SLIT2: variants seen among roughly 807,000 people sequenced by gnomAD.
The protein encoded by SLIT2 is slit homolog 2 protein.
Under a neutral mutation model 185.7 loss-of-function variants are expected in SLIT2, and 41 were observed. The ratio of observed to expected loss-of-function variants is 0.22; its 90% CI spans 0.17 to 0.29. SLIT2 has a LOEUF of 0.29. Among genes scored for constraint, SLIT2 ranks in the 10% least tolerant of loss-of-function variants. The probability of loss-of-function intolerance (pLI) is 1.00; values close to 1 mark genes in which losing one functional copy is unlikely to be tolerated. For synonymous variants in SLIT2, 693 were observed against 680.2 expected (o/e 1.02, Z -0.29); for missense variants, 1,571 against 1,909.0 (o/e 0.82, Z 3.30).
chr4:20,450,186 A>T (rs1712308612), intron 4 of SLIT2, among the ~76,000 whole-genome samples: 1 of 152,204 alleles, frequency 6.6e-6, no homozygotes, highest in Admixed American at 6.5e-5. Flanking sequence ...TCAGACAATC[A>T]TTAGAGAATC....
chr4:20,412,756 C>A (rs879908957), intron 4 of SLIT2, among the ~76,000 whole-genome samples: 4 of 152,024 alleles, frequency 2.6e-5, no homozygotes, highest in Non-Finnish European at 4.4e-5. Context: ...GTAATCATCA[C>A]CACTATCTAA....
chr4:20,266,692 A>G (rs1713065453), intron 3 of SLIT2, among the ~76,000 whole-genome samples: 1 of 152,076 alleles, frequency 6.6e-6, no homozygotes, highest in Non-Finnish European at 1.5e-5. Flanking sequence ...GGGAATACAA[A>G]GATTTAGTCT....
chr4:20,393,956 G>A (rs1725668734), intron 4 of SLIT2, among the ~76,000 whole-genome samples: 1 of 152,014 alleles, frequency 6.6e-6, no homozygotes, highest in Non-Finnish European at 1.5e-5. Flanking sequence ...ATCACGTCCT[G>A]TTGTGGTTGG....
chr4:20,429,538 A>G (rs1308288442), intron 4 of SLIT2, among the ~76,000 whole-genome samples: 1 of 152,210 alleles, frequency 6.6e-6, no homozygotes, highest in Non-Finnish European at 1.5e-5. Flanking sequence ...ACACAAATAA[A>G]TTTTTAAGAG....
chr4:20,296,530 A>C (rs1716501356), intron 4 of SLIT2, among the ~76,000 whole-genome samples: 1 of 152,216 alleles, frequency 6.6e-6, no homozygotes, highest in South Asian at 2.1e-4. Flanking sequence ...AGTGATTGAC[A>C]GGTAAACAAC....
intron 4 of SLIT2, among the ~76,000 whole-genome samples, chr4:20,441,274 A>G (rs1333652149): frequency 6.6e-6 from 1 of 152,168 alleles, no homozygotes; most frequent in Non-Finnish European, 1.5e-5. Context: ...TTAAGCTCAT[A>G]CATTTCGTGC....
chr4:20,274,635 C>T (rs897049825), intron 4 of SLIT2, among the ~76,000 whole-genome samples: 1 of 152,044 alleles, frequency 6.6e-6, no homozygotes, highest in African/African-American at 2.4e-5. Flanking sequence ...AACAGTTGTC[C>T]GGTTTCTGCT....
intron 16 of SLIT2, among the ~76,000 whole-genome samples, chr4:20,530,862 A>C (rs77258315): frequency 6.6e-6 from 1 of 152,124 alleles, no homozygotes; most frequent in South Asian, 2.1e-4. Context: ...ACATATACAA[A>C]TGTCCAATAA....
At chr4:20,550,352 T>C (rs1184309466) in intron 24 of SLIT2, among the ~76,000 whole-genome samples, 3 of 149,674 alleles carry the variant, frequency 2.0e-5, no homozygotes, top group Non-Finnish European at 3.0e-5. Context: ...CATATACTAC[T>C]TTACTCTATG....
At chr4:20,421,359 T>C (rs1007036843) in intron 4 of SLIT2, among the ~76,000 whole-genome samples, 11 of 152,154 alleles carry the variant, frequency 7.2e-5, no homozygotes, top group Non-Finnish European at 1.3e-4. Context: ...CATTTAAAAA[T>C]ATAAACTTTT....
intron 4 of SLIT2, among the ~76,000 whole-genome samples, chr4:20,347,096 T>C (rs768605611): frequency 3.3e-5 from 5 of 152,194 alleles, no homozygotes; most frequent in Non-Finnish European, 5.9e-5. Flanking sequence ...AATTATCCTT[T>C]GGAAAATATC....
intron 6 of SLIT2, 25 bp downstream of exon 6, chr4:20,480,812 C>A: frequency 6.4e-7 from 1 of 1,557,536 alleles, no homozygotes. Context: ...TTCTCTTGCT[C>A]TTTTAACGGG....
At chr4:20,453,661 G>T (rs1712729942) in intron 4 of SLIT2, among the ~76,000 whole-genome samples, 1 of 152,164 alleles carries the variant, frequency 6.6e-6, no homozygotes, top group Non-Finnish European at 1.5e-5. Flanking sequence ...CAACTGGGAT[G>T]AAATTCTTAT....
chr4:20,554,370 C>G (rs900176486), intron 26 of SLIT2: 1 of 458,846 alleles, frequency 2.2e-6, no homozygotes, highest in Non-Finnish European at 4.4e-6. Flanking sequence ...CCCCAGTGTT[C>G]AGCCCAAACC....
At chr4:20,482,938 A>C (rs1327715611) in intron 6 of SLIT2, among the ~76,000 whole-genome samples, 1 of 152,010 alleles carries the variant, frequency 6.6e-6, no homozygotes, top group African/African-American at 2.4e-5. Context: ...TATGAAGCCC[A>C]AATCACTTGT....
chr4:20,438,006 C>T (rs780770265), intron 4 of SLIT2, among the ~76,000 whole-genome samples: 6 of 151,946 alleles, frequency 3.9e-5, no homozygotes, highest in Non-Finnish European at 5.9e-5. Context: ...GAAGCTAGTC[C>T]TGAATACTCT....
chr4:20,370,211 T>C (rs2109315034), intron 4 of SLIT2, among the ~76,000 whole-genome samples: 1 of 152,196 alleles, frequency 6.6e-6, no homozygotes, highest in Admixed American at 6.6e-5. Context: ...CTGCTTGATG[T>C]GTGAAAGGGA....
At chr4:20,411,500 C>A (rs968269658) in intron 4 of SLIT2, among the ~76,000 whole-genome samples, 34 of 152,164 alleles carry the variant, frequency 2.2e-4, no homozygotes, top group African/African-American at 6.5e-4. Flanking sequence ...ATCCAAACCT[C>A]TAAACTGACA....
intron 4 of SLIT2, among the ~76,000 whole-genome samples, chr4:20,298,984 A>C (rs1414552448): frequency 6.6e-6 from 1 of 152,216 alleles, no homozygotes; most frequent in Non-Finnish European, 1.5e-5. Flanking sequence ...CATTATTCAT[A>C]GTTGTAATTT....
Sources: gnomAD v4.1 joint callset for allele counts (sites outside exome capture counted in the v4.1 genomes callset) on GRCh38, gnomAD v4.1.1 for gene constraint, MANE v1.5 for transcripts, NCBI Gene and HGNC (gene_info 2026-07-23, HGNC 2026-07-21) for gene names.